MRI1: variants seen among roughly 807,000 people sequenced by gnomAD.
The protein encoded by MRI1 is methylthioribose-1-phosphate isomerase 1, also known as methylthioribose-1-phosphate isomerase.
Under a neutral mutation model 27.3 loss-of-function variants are expected in MRI1, and 32 were observed. The ratio of observed to expected loss-of-function variants is 1.17; its 90% CI spans 0.88 to 1.57. The LOEUF is 1.57. Ranked by LOEUF, MRI1 falls within the 40% of genes most tolerant of loss-of-function variation. The pLI is 0.00. For synonymous variants in MRI1, 216 were observed against 227.4 expected, an observed-to-expected ratio of 0.95 and a Z score of 0.45; for missense variants, 508 against 516.1, an observed-to-expected ratio of 0.98 and a Z score of 0.15.
Position 13,764,881 on chromosome 19 carries a change from C to G in MRI1, c.143C>G (p.Ala48Gly). 1 of 1,359,150 alleles carries G rather than the reference C, an allele frequency of 7.4e-7. No homozygotes were observed. Among genetic ancestry groups the G allele is most frequent in the Non-Finnish European group, 9.4e-7 (1 of 1,059,454 alleles). 84.2% of individuals were successfully genotyped at this position (1,359,150 alleles called of 1,614,324 possible). The stretch of plus-strand genomic sequence containing the variant: ...ATCCCTGCCCCGCAGGTGCGGGGCG[C>G]CCCGGCCATAGCCCTGGTGGGCTGT... ...EAIRAMKVRG[A>G]PAIALVGCLS... Residue 48 changes from alanine to glycine, a missense_variant, in exon 2 of 6, where the codon GCC (alanine) becomes GGC (glycine). By Grantham distance (60) the Ala-to-Gly change is moderately conservative (BLOSUM62 0). Transcript: ENST00000040663.
intron 5 of MRI1, 146 bp from the exon 6 acceptor site, chr19:13,771,975 C>A (rs2145205941): frequency 1.5e-6 from 1 of 675,496 alleles, no homozygotes; most frequent in East Asian, 2.7e-5. Context: ...ATGTCCATGC[C>A]TGCATGTACT....
chr19:13,768,583 C>T lies in MRI1; in HGVS notation c.570C>T (p.Ser190=). The change falls in exon 4 of 6, where the codon AGC becomes AGT. Residue 190 remains serine, a synonymous_variant. Transcript: ENST00000040663. ...TALGVIRSLH[S]LGRLEHAFCT... ...CAGGTGTGATTCGCTCACTGCACAG[C>T]CTGGGCCGCCTGGAGCATGCCTTCT... The T allele has an allele frequency of 6.2e-7, 1 of 1,609,108 alleles. No individual in the cohort carries two copies. Among genetic ancestry groups the T allele is most frequent in the Non-Finnish European group, 8.5e-7 (1 of 1,178,288 alleles).
chr19:13,768,889 C>T lies in MRI1; in HGVS notation c.790C>T (p.Gln264Ter). ...GDTANKVGTY[Q>*]LAIVAKHHGI... is the part of the protein sequence containing the mutation. ...CACAGCCAACAAGGTGGGCACCTACCAGCTGGCCATTGTCGCCAAGCACCA... is the reference window on the plus strand; with the variant it reads ...CACAGCCAACAAGGTGGGCACCTACTAGCTGGCCATTGTCGCCAAGCACCA... The change falls in exon 5 of 6, where the codon CAG becomes TAG. Residue 264 changes from glutamine to a stop codon, truncating the protein, a stop_gained. Coordinates refer to ENST00000040663, the MANE Select transcript of MRI1 (RefSeq NM_001031727.4). LOFTEE classifies it high-confidence loss of function. 1 of 1,613,992 alleles carries T rather than the reference C, an allele frequency of 6.2e-7. No individual in the cohort carries two copies. The highest frequency in any genetic ancestry group is 8.5e-7 in the Non-Finnish European group (1 of 1,179,918).
chr19:13,765,169 T>C, intron 2 of MRI1, 60 bp downstream of exon 2: 1 of 1,337,398 alleles, frequency 7.5e-7, no homozygotes, highest in Non-Finnish European at 9.9e-7. Context: ...TCTTTTTAAG[T>C]ACAGTGACCC....
intron 3 of MRI1, among the ~76,000 whole-genome samples, chr19:13,767,008 C>CATATATAGATATATATATATATAT (rs1974139298): frequency 2.0e-5 from 1 of 49,568 alleles, no homozygotes; most frequent in Non-Finnish European, 3.9e-5. Flanking sequence ...TGCACATCCA[C>CATATATAGATATATATATATATAT]ATATATATAT....
chr19:13,771,366 TCAAAAAAA>T (rs1974265295), intron 5 of MRI1, among the ~76,000 whole-genome samples: 1 of 151,130 alleles, frequency 6.6e-6, no homozygotes, highest in East Asian at 1.9e-4. Flanking sequence ...AAACTCCATC[TCAAAAAAA>T]CAAAAAAACA....
At chr19:13,772,069 A>C (rs1974278002) in intron 5 of MRI1, 52 bp from the exon 6 acceptor site, 1 of 1,534,116 alleles carries the variant, frequency 6.5e-7, no homozygotes, top group Non-Finnish European at 8.8e-7. Context: ...CAACCTGAGA[A>C]CTTTCACAGA....
At chr19:13,766,511 T>C (rs1481110365) in intron 3 of MRI1, among the ~76,000 whole-genome samples, 1 of 152,174 alleles carries the variant, frequency 6.6e-6, no homozygotes. Flanking sequence ...CTGAGCCATA[T>C]GCCTAGAGCC....
chr19:13,767,833 G>A lies in MRI1; in HGVS notation c.548-728G>A, dbSNP rs527566403. Among the ~76,000 whole-genome samples, 79 of 135,238 alleles carry A rather than the reference G, an allele frequency of 5.8e-4. No individual in the cohort carries two copies. In the South Asian group the frequency reaches 0.018, roughly 30 times the overall value. The allele number at this position is 135,238 out of a possible 152,430, so 88.7% of individuals were successfully genotyped here. On this transcript the variant is annotated intron_variant, in intron 3 of 5. Transcript: ENST00000040663. ...CAACCTCTGCCTCCTGGGTTCCAGC[G>A]ATTCTTTTCAAGTATTTTCTTTCTT...
rs771515625 is a variant in MRI1 at position 13,772,293 on chromosome 19, C to T, written c.*12C>T. The T allele has an allele frequency of 1.2e-6, 2 of 1,603,448 alleles. No individual in the cohort carries two copies. Among genetic ancestry groups the T allele is most frequent in the Non-Finnish European group, 1.7e-6 (2 of 1,175,336 alleles). On this transcript the variant is annotated 3_prime_UTR_variant, in exon 6 of 6. Coordinates refer to ENST00000040663, the MANE Select transcript of MRI1 (RefSeq NM_001031727.4). ...GACCCCAGATGTAACCAACTCAGCT[C>T]TCCCTAGCCTGCCTCTCTAGGTTTT...
chr19:13,772,418 GC>G lies in MRI1; in HGVS notation c.*140del. Reference sequence around the variant, plus strand: ...GCTCAGACAGGGCCTTCCATCTAGAGCCCAGCACCTAGAGCCAGGCTGCCCA... The same window carrying G: ...GCTCAGACAGGGCCTTCCATCTAGAGCCAGCACCTAGAGCCAGGCTGCCCA... On this transcript the variant is annotated 3_prime_UTR_variant, in exon 6 of 6. Transcript: ENST00000040663. 1.3e-6 allele frequency: 1 copy of G among 772,484 alleles called. No homozygotes were observed. The highest frequency in any genetic ancestry group is 2.0e-6 in the Non-Finnish European group (1 of 499,936). 47.9% of individuals were successfully genotyped at this position (772,484 alleles called of 1,614,324 possible).
chr19:13,770,847 C>A (rs1474648583), intron 5 of MRI1, among the ~76,000 whole-genome samples: 2 of 151,836 alleles, frequency 1.3e-5, no homozygotes, highest in East Asian at 3.9e-4. Flanking sequence ...AGCGCCACAG[C>A]ACTCCAGCCT....
chr19:13,766,182 A>C, intron 3 of MRI1, 53 bp downstream of exon 3: 1 of 1,461,592 alleles, frequency 6.8e-7, no homozygotes, highest in Non-Finnish European at 9.1e-7. Flanking sequence ...ACTTTTTTAG[A>C]TACAAGAGAA....
Position 13,766,060 on chromosome 19 carries a change from G to A in MRI1, c.478G>A (p.Gly160Ser). The change falls in exon 3 of 6, where the codon GGC becomes AGC. Residue 160 changes from glycine to serine, a missense_variant. Coordinates refer to ENST00000040663, the MANE Select transcript of MRI1 (RefSeq NM_001031727.4). ...CCTGGAGCGGGTGGCCCCCAGCGGTGGCAAGGTGACTGTGCTGACCCACTG... is the reference window on the plus strand; with the variant it reads ...CCTGGAGCGGGTGGCCCCCAGCGGTAGCAAGGTGACTGTGCTGACCCACTG... The part of the protein sequence containing the change: ...HLLERVAPSG[G>S]KVTVLTHCNT... The A allele has an allele frequency of 6.2e-7, 1 of 1,613,046 alleles. No individual in the cohort carries two copies.
Position 13,768,680 on chromosome 19 carries a change from G to A in MRI1, c.667G>A (p.Ala223Thr), listed in dbSNP as rs751674657. 5.6e-6 allele frequency: 9 copies of A among 1,613,776 alleles called. No homozygotes were observed. The highest frequency in any genetic ancestry group is 5.0e-5 in the Admixed American group (3 of 59,990). The stretch of plus-strand genomic sequence containing the variant: ...TGAGCTGGTCTATGAGCAGATCCCC[G>A]CCACCCTTATCACCGACAGCATGGT... Reference protein sequence around the residue: ...AFELVYEQIPATLITDSMVAA... With the variant: ...AFELVYEQIPTTLITDSMVAA... The change falls in exon 4 of 6, where the codon GCC (alanine) becomes ACC (threonine). Residue 223 changes from alanine to threonine, a missense_variant. Physicochemically the swap from Ala to Thr is moderately conservative, Grantham distance 58 (BLOSUM62 0). This residue lies in a region of MRI1 where 457 missense variants were observed against 452.8 expected (regional missense o/e 1.01). Transcript: ENST00000040663.
chr19:13,765,227 C>G, intron 2 of MRI1, 118 bp downstream of exon 2: 1 of 840,672 alleles, frequency 1.2e-6, no homozygotes, highest in Non-Finnish European at 1.7e-6. Flanking sequence ...AGTCCCTTGT[C>G]CAGGGCCCCA....
Position 13,765,981 on chromosome 19 carries a change from G to A in MRI1, c.399G>A (p.Leu133=). Residue 133 remains leucine (L), a synonymous_variant, in exon 3 of 6, where the codon CTG becomes CTA. Coordinates refer to ENST00000040663, the MANE Select transcript of MRI1 (RefSeq NM_001031727.4). ...TGATCTGCTGCACCGAGGACATGCTGGAGAAAGACCTCAGAGACAACCGAA... is the reference window on the plus strand; with the variant it reads ...TGATCTGCTGCACCGAGGACATGCTAGAGAAAGACCTCAGAGACAACCGAA... The part of the protein sequence containing the change: ...ERVICCTEDM[L]EKDLRDNRSI... 6.2e-7 allele frequency: 1 copy of A among 1,610,030 alleles called. No homozygotes were observed. Among genetic ancestry groups the A allele is most frequent in the Non-Finnish European group, 8.5e-7 (1 of 1,178,158 alleles).
At chr19:13,767,290 G>A (rs532540305) in intron 3 of MRI1, among the ~76,000 whole-genome samples, 14 of 151,772 alleles carry the variant, frequency 9.2e-5, no homozygotes, top group South Asian at 2.1e-4. Context: ...TAGGCGGTCC[G>A]CCAGCCTCGG....
In MRI1 at chr19:13,764,871, G is replaced by C; in HGVS notation, c.133G>C (p.Val45Leu). 7.4e-7 allele frequency: 1 copy of C among 1,352,530 alleles called. No individual in the cohort carries two copies. The highest frequency in any genetic ancestry group is 9.5e-7 in the Non-Finnish European group (1 of 1,056,110). 83.8% of individuals were successfully genotyped at this position (1,352,530 alleles called of 1,614,324 possible). ...QAWEAIRAMK[V>L]RGAPAIALVG... ...CGACGCCCAAATCCCTGCCCCGCAG[G>C]TGCGGGGCGCCCCGGCCATAGCCCT... is the stretch of plus-strand genomic sequence containing the variant. Residue 45 changes from valine (V) to leucine (L), a missense_variant and splice_region_variant, in exon 2 of 6, where the codon GTG (valine) becomes CTG (leucine). Val to Leu is a conservative substitution (Grantham distance 32). This residue lies in a region of MRI1 where 19 missense variants were observed against 43.0 expected (regional missense o/e 0.44). Transcript: ENST00000040663.
Sources: gnomAD v4.1 joint callset for allele counts (sites outside exome capture counted in the v4.1 genomes callset) on GRCh38, gnomAD v4.1.1 for gene constraint, gnomAD v4.1.1 regional missense constraint, MANE v1.5 for transcripts, NCBI Gene and HGNC (gene_info 2026-07-23, HGNC 2026-07-21) for gene names.